ENDOD1: variants seen among roughly 807,000 people sequenced by gnomAD.
ENDOD1 encodes endonuclease domain-containing 1 protein.
In ENDOD1, 9 loss-of-function variants were observed where a neutral mutation model predicts 6.5. That is an observed-to-expected ratio of 1.39 (90% confidence interval 0.84 to 2.43). ENDOD1 has a LOEUF of 2.43. Ranked by LOEUF, ENDOD1 falls within the 30% of genes most tolerant of loss-of-function variation. ENDOD1 has a pLI of 0.00. For missense variants in ENDOD1, 648 were observed against 635.5 expected (o/e 1.02, Z -0.21); for synonymous variants, 255 against 255.2 (o/e 1.00, Z 0.01).
chr11:95,101,607 C>G (rs1236008524), intron 1 of ENDOD1, among the ~76,000 whole-genome samples: 4 of 152,168 alleles, frequency 2.6e-5, no homozygotes, highest in African/African-American at 9.7e-5. Flanking sequence ...GCTCCCACTT[C>G]TGAAAGATAC....
intron 1 of ENDOD1, among the ~76,000 whole-genome samples, chr11:95,099,029 T>C (rs1555110601): frequency 6.6e-6 from 1 of 152,190 alleles, no homozygotes; most frequent in Non-Finnish European, 1.5e-5. Context: ...CCCATGAATA[T>C]CAGAGGCTCA....
At chr11:95,118,941 A>G (rs1293562039) in intron 1 of ENDOD1, among the ~76,000 whole-genome samples, 1 of 152,196 alleles carries the variant, frequency 6.6e-6, no homozygotes, top group Admixed American at 6.5e-5. Context: ...CAGTTCTGCT[A>G]TTAAAAAGAC....
rs1858940461 is a variant in ENDOD1, at chr11:95,092,486, G to C, written c.300+2259G>C. On this transcript the variant is annotated intron_variant, in intron 1 of 1. Coordinates refer to ENST00000278505, the MANE Select transcript of ENDOD1 (RefSeq NM_015036.3). ...TGTGGAGATTAAAGAAGATGGGAAGGGAGGGTGGAAATAGTTACAAATGGC... is the reference window on the plus strand; with the variant it reads ...TGTGGAGATTAAAGAAGATGGGAAGCGAGGGTGGAAATAGTTACAAATGGC... Among the ~76,000 whole-genome samples, 11 of 152,190 alleles carry C rather than the reference G, an allele frequency of 7.2e-5. No homozygotes were observed. The South Asian group carries it at 2.3e-3, about 31-fold the overall frequency.
At chr11:95,094,551 A>AT (rs1288214706) in intron 1 of ENDOD1, among the ~76,000 whole-genome samples, 7 of 152,216 alleles carry the variant, frequency 4.6e-5, no homozygotes, top group Admixed American at 2.0e-4. Context: ...CTGCAAAAAC[A>AT]TTTTCCTGGA....
At chr11:95,116,130 C>T (rs1555112468) in intron 1 of ENDOD1, among the ~76,000 whole-genome samples, 1 of 152,056 alleles carries the variant, frequency 6.6e-6, no homozygotes, top group Non-Finnish European at 1.5e-5. Context: ...GGATTTTCTT[C>T]ACCGGGAGAC....
intron 1 of ENDOD1, among the ~76,000 whole-genome samples, chr11:95,096,226 G>GGTTTTT (rs1555110287): frequency 1.3e-4 from 1 of 7,596 alleles, no homozygotes; most frequent in African/African-American, 3.8e-4. Context: ...AGTCAAGAAA[G>GGTTTTT]CTTTTTTTTT....
At chr11:95,120,622 A>G (rs1388180750) in intron 1 of ENDOD1, among the ~76,000 whole-genome samples, 1 of 151,630 alleles carries the variant, frequency 6.6e-6, no homozygotes, top group African/African-American at 2.4e-5. Context: ...AAGCTGTGCA[A>G]CCTGGGGTTA....
At chr11:95,108,534 C>CACACAAAAAAAAAAA (rs1176686943) in intron 1 of ENDOD1, among the ~76,000 whole-genome samples, 2 of 141,754 alleles carry the variant, frequency 1.4e-5, no homozygotes, top group African/African-American at 5.1e-5. Context: ...CACAGACACC[C>CACACAAAAAAAAAAA]AAAAAAAGAA....
intron 1 of ENDOD1, among the ~76,000 whole-genome samples, chr11:95,112,078 T>A (rs1859156552): frequency 6.6e-6 from 1 of 152,204 alleles, no homozygotes; most frequent in Non-Finnish European, 1.5e-5. Context: ...TGGTCTCTAA[T>A]CACCAAAGGC....
At chr11:95,098,499 G>A (rs1555110551) in intron 1 of ENDOD1, among the ~76,000 whole-genome samples, 1 of 152,098 alleles carries the variant, frequency 6.6e-6, no homozygotes, top group African/African-American at 2.4e-5. Flanking sequence ...CATATTTATT[G>A]CACATTTAAT....
At chr11:95,102,246 C>T (rs556373490) in intron 1 of ENDOD1, among the ~76,000 whole-genome samples, 1 of 152,096 alleles carries the variant, frequency 6.6e-6, no homozygotes, top group East Asian at 1.9e-4. Flanking sequence ...GAGCTACCTT[C>T]TTAAAGCCCA....
chr11:95,101,485 G>T (rs2134163857), intron 1 of ENDOD1, among the ~76,000 whole-genome samples: 2 of 152,210 alleles, frequency 1.3e-5, no homozygotes, highest in East Asian at 3.9e-4. Context: ...TCTTTTTATT[G>T]TCTCGGTGGT....
Position 95,090,205 on chromosome 11 carries a change from A to C in ENDOD1, c.278A>C (p.Gln93Pro), listed in dbSNP as rs782399805. The change falls in exon 1 of 2, where the codon CAG becomes CCG. Residue 93 changes from glutamine to proline, a missense_variant. Transcript: ENST00000278505. ...CGCCCTGCGCCCGGCGGCGCCGAGCAGCGATGGCTGGTGGAGCCGCAGGTA... is the reference window on the plus strand; with the variant it reads ...CGCCCTGCGCCCGGCGGCGCCGAGCCGCGATGGCTGGTGGAGCCGCAGGTA... The part of the protein sequence containing the change: ...APRPAPGGAE[Q>P]RWLVEPQIDD... 2.1e-6 allele frequency: 3 copies of C among 1,405,238 alleles called. No homozygotes were observed. The highest frequency in any genetic ancestry group is 2.8e-6 in the Non-Finnish European group (3 of 1,065,954). 87.0% of individuals were successfully genotyped at this position (1,405,238 alleles called of 1,614,324 possible). A position where few individuals can be genotyped will look rare whatever the true frequency, so the allele number is the denominator to read the frequency against.
intron 1 of ENDOD1, among the ~76,000 whole-genome samples, chr11:95,101,188 C>T (rs571510642): frequency 1.3e-5 from 2 of 152,210 alleles, no homozygotes; most frequent in African/African-American, 2.4e-5. Context: ...TATTTTAGTA[C>T]AGAACAGCCA....
intron 1 of ENDOD1, among the ~76,000 whole-genome samples, chr11:95,099,418 C>T (rs1859016345): frequency 6.6e-6 from 1 of 152,184 alleles, no homozygotes; most frequent in African/African-American, 2.4e-5. Flanking sequence ...TCAATGCCAG[C>T]TGTCCCTAGG....
rs1358138342 is a variant in ENDOD1, at chr11:95,132,494, A to G, written c.*2915A>G. 1 of 151,566 alleles carries G rather than the reference A, an allele frequency of 6.6e-6. No individual in the cohort carries two copies. Among genetic ancestry groups the G allele is most frequent in the Non-Finnish European group, 1.5e-5 (1 of 67,870 alleles). The allele number at this position is 151,566 out of a possible 1,614,324, so 9.4% of individuals were successfully genotyped here. A position where few individuals can be genotyped will look rare whatever the true frequency, so the allele number is the denominator to read the frequency against. The stretch of plus-strand genomic sequence containing the variant: ...TAAGTGCTGCAGTAAAGGTACTAAT[A>G]ACATGTTCCTTGGAACAGAGGAAGA... On this transcript the variant is annotated 3_prime_UTR_variant, in exon 2 of 2. Transcript: ENST00000278505.
rs1448148947 is a variant in ENDOD1, at chr11:95,089,903, C to T, written c.-25C>T. On this transcript the variant is annotated 5_prime_UTR_variant, in exon 1 of 2. Coordinates refer to ENST00000278505, the MANE Select transcript of ENDOD1 (RefSeq NM_015036.3). ...GCGCCGCGGCAGCCCAGCCGCTCGG[C>T]CCCGCCGCGCTCGCAGAGGCCGCCA... 5 of 1,350,460 alleles carry T rather than the reference C, an allele frequency of 3.7e-6. No homozygotes were observed. Among genetic ancestry groups the T allele is most frequent in the Non-Finnish European group, 4.8e-6 (5 of 1,047,972 alleles). 83.7% of individuals were successfully genotyped at this position (1,350,460 alleles called of 1,614,324 possible).
chr11:95,098,707 C>G (rs528854680), intron 1 of ENDOD1, among the ~76,000 whole-genome samples: 1 of 150,174 alleles, frequency 6.7e-6, no homozygotes, highest in South Asian at 2.1e-4. Flanking sequence ...TTTTTTTTTT[C>G]ACATGTAATT....
intron 1 of ENDOD1, among the ~76,000 whole-genome samples, chr11:95,113,397 C>A (rs1859169234): frequency 6.6e-6 from 1 of 152,150 alleles, no homozygotes; most frequent in African/African-American, 2.4e-5. Flanking sequence ...CAACACTCCC[C>A]ACTATCTTTC....
Sources: gnomAD v4.1 joint callset for allele counts (sites outside exome capture counted in the v4.1 genomes callset) on GRCh38, gnomAD v4.1.1 for gene constraint, MANE v1.5 for transcripts, NCBI Gene and HGNC (gene_info 2026-07-23, HGNC 2026-07-21) for gene names.